CD47: variants seen among roughly 807,000 people sequenced by gnomAD.
CD47 encodes the protein leukocyte surface antigen CD47.
CD47 carries 11 observed loss-of-function variants against 44.6 expected under a neutral mutation model. The ratio of observed to expected loss-of-function variants is 0.25; its 90% CI spans 0.16 to 0.41. The LOEUF (loss-of-function observed/expected upper bound fraction) is 0.41. Ranked by LOEUF, CD47 falls within the 10% of genes least tolerant of loss-of-function variation. The pLI is 1.00. For missense variants in CD47, 306 were observed against 386.7 expected (o/e 0.79, Z 1.75); for synonymous variants, 140 against 136.3 (o/e 1.03, Z -0.19).
chr3:108,066,407 T>C (rs1481913758), intron 3 of CD47, among the ~76,000 whole-genome samples: 1 of 152,238 alleles, frequency 6.6e-6, no homozygotes, highest in African/African-American at 2.4e-5. Flanking sequence ...CCACAATATA[T>C]TAACTGAGTA....
Position 108,059,495 on chromosome 3 carries a change from A to G in CD47, c.648T>C (p.Ser216=). The change falls in exon 5 of 11, where the codon TCT becomes TCC. Residue 216 remains serine (S), a synonymous_variant. Transcript: ENST00000361309. The stretch of plus-strand genomic sequence containing the variant: ...AGTGAAGTAATATTAATATCCCTGT[A>G]GAAGTCACAATTAAACCAAGGCCAG... The part of the protein sequence containing the change: ...NATGLGLIVT[S]TGILILLHYY... 2.0e-6 allele frequency: 3 copies of G among 1,530,408 alleles called. No homozygotes were observed. The highest frequency in any genetic ancestry group is 2.7e-6 in the Non-Finnish European group (3 of 1,131,828). The allele number at this position is 1,530,408 out of a possible 1,614,324, so 94.8% of individuals were successfully genotyped here. A position where few individuals can be genotyped will look rare whatever the true frequency, so the allele number is the denominator to read the frequency against.
At chr3:108,073,266 T>A (rs1396268015) in intron 2 of CD47, among the ~76,000 whole-genome samples, 1 of 151,362 alleles carries the variant, frequency 6.6e-6, no homozygotes, top group African/African-American at 2.4e-5. Flanking sequence ...ATTAATAGAA[T>A]ATTAATATAT....
intron 10 of CD47, among the ~76,000 whole-genome samples, chr3:108,049,174 G>T (rs1232731922): frequency 1.4e-5 from 2 of 145,774 alleles, no homozygotes; most frequent in Non-Finnish European, 3.0e-5. Context: ...CTCCCAAAAG[G>T]TTAGAACCAA....
chr3:108,085,411 C>T (rs1280053719), intron 1 of CD47, among the ~76,000 whole-genome samples: 1 of 152,048 alleles, frequency 6.6e-6, no homozygotes, highest in African/African-American at 2.4e-5. Context: ...TGGTATATAC[C>T]TCATAGAGAT....
chr3:108,058,234 A>T, intron 6 of CD47, 103 bp downstream of exon 6: 1 of 637,038 alleles, frequency 1.6e-6, no homozygotes, highest in Non-Finnish European at 2.5e-6. Context: ...AAAAAAAAAA[A>T]TCAAGTCTAT....
chr3:108,056,320 C>T (rs697951), intron 7 of CD47, among the ~76,000 whole-genome samples: 74,942 of 152,010 alleles, frequency 0.49, 18,956 homozygotes, highest in East Asian at 0.7. Context: ...TAAGGATACG[C>T]AGATTTTAGT....
chr3:108,065,417 C>A (rs1343235256), intron 3 of CD47, among the ~76,000 whole-genome samples: 2 of 152,062 alleles, frequency 1.3e-5, no homozygotes, highest in Non-Finnish European at 2.9e-5. Flanking sequence ...ATTCCTCCTA[C>A]AATAAAATCA....
intron 2 of CD47, among the ~76,000 whole-genome samples, chr3:108,077,545 C>T (rs1417984326): frequency 6.6e-6 from 1 of 152,070 alleles, no homozygotes; most frequent in East Asian, 1.9e-4. Context: ...TACTTCTGAG[C>T]ATTTATCCCA....
chr3:108,078,074 C>G (rs1256830745), intron 2 of CD47, among the ~76,000 whole-genome samples: 1 of 152,012 alleles, frequency 6.6e-6, no homozygotes, highest in Non-Finnish European at 1.5e-5. Context: ...CATATTGTGT[C>G]ACATAAGAGG....
intron 2 of CD47, among the ~76,000 whole-genome samples, chr3:108,071,759 A>T (rs537925714): frequency 1.5e-3 from 228 of 152,320 alleles, no homozygotes; most frequent in African/African-American, 5.3e-3. Flanking sequence ...TGTACCTTCA[A>T]GTAACAATGA....
chr3:108,077,953 A>T (rs1325594143), intron 2 of CD47, among the ~76,000 whole-genome samples: 1 of 152,086 alleles, frequency 6.6e-6, no homozygotes, highest in Non-Finnish European at 1.5e-5. Context: ...GATGTTTGTT[A>T]TGATGGATAG....
At chr3:108,061,049 T>A (rs985002870) in intron 3 of CD47, among the ~76,000 whole-genome samples, 197 bp from the exon 4 acceptor site, 4 of 151,680 alleles carry the variant, frequency 2.6e-5, no homozygotes, top group Non-Finnish European at 5.9e-5. Flanking sequence ...TAAATATGGA[T>A]GGTGAATTTA....
rs9825399 is a variant in CD47 at position 108,050,365 on chromosome 3, C to G, written c.934+213G>C. Among the ~76,000 whole-genome samples the G allele has an allele frequency of 7.4e-3, 1,121 of 152,272 alleles. 13 individuals are homozygous for G. The highest frequency in any genetic ancestry group is 0.026 in the African/African-American group (1,084 of 41,542). On this transcript the variant is annotated intron_variant, in intron 9 of 10. Transcript: ENST00000361309. ...TCTCTTGACCTCGTGATCTGCCCGC[C>G]TTGGCCTCCCAAGGTGCCGGGATCG...
At position 108,049,651 on chromosome 3, in the gene CD47, G is replaced by A; in HGVS notation, c.935C>T (p.Ala312Val). ...PRKAVEEPLN[A>V]FKESKGMMND... ...CATCATTCCTTTTGATTCTTTGAAT[G>A]CTAGGATTAGTAACAAGCCAAGCAG... Residue 312 changes from alanine (A) to valine (V), a missense_variant and splice_region_variant, in exon 10 of 11, where the codon GCA (alanine) becomes GTA (valine). Transcript: ENST00000361309. 2 of 1,600,592 alleles carry A rather than the reference G, an allele frequency of 1.2e-6. No homozygotes were observed. The highest frequency in any genetic ancestry group is 1.7e-6 in the Non-Finnish European group (2 of 1,167,842).
intron 1 of CD47, 123 bp downstream of exon 1, chr3:108,090,740 C>T (rs1365897772): frequency 1.2e-6 from 1 of 843,276 alleles, no homozygotes; most frequent in Non-Finnish European, 1.6e-6. Context: ...GCGCTCAGGG[C>T]CCGAGTGTTC....
chr3:108,090,996 C>T lies in CD47; in HGVS notation c.-88G>A. ...CCGTTACAGGCAGGACCGACCGCCG[C>T]CGCGCGTCACAGGCAGGACCCACTG... On this transcript the variant is annotated 5_prime_UTR_variant, in exon 1 of 11. Transcript: ENST00000361309. The T allele has an allele frequency of 2.1e-6, 2 of 947,424 alleles. No homozygotes were observed. Among genetic ancestry groups the T allele is most frequent in the South Asian group, 2.3e-5 (1 of 44,320 alleles). The allele number at this position is 947,424 out of a possible 1,614,324, so 58.7% of individuals were successfully genotyped here.
chr3:108,081,612 A>C (rs1424628320), intron 1 of CD47, among the ~76,000 whole-genome samples: 2 of 151,936 alleles, frequency 1.3e-5, no homozygotes, highest in Non-Finnish European at 2.9e-5. Context: ...GCCCCTTTTT[A>C]ATATGCTGCC....
At chr3:108,059,428 C>A in intron 5 of CD47, 24 bp downstream of exon 5, 1 of 1,151,986 alleles carries the variant, frequency 8.7e-7, no homozygotes, top group Non-Finnish European at 1.2e-6. Flanking sequence ...TAGACAAAAT[C>A]ATACTGTAAC....
chr3:108,079,232 T>A (rs1021803846), intron 2 of CD47, among the ~76,000 whole-genome samples: 2 of 151,946 alleles, frequency 1.3e-5, no homozygotes, highest in African/African-American at 4.8e-5. Flanking sequence ...CATACTCATA[T>A]GGGGTTGAAG....
Sources: allele counts gnomAD v4.1 joint callset (sites outside exome capture counted in the v4.1 genomes callset), GRCh38; gene constraint gnomAD v4.1.1; transcripts MANE v1.5; gene names NCBI Gene and HGNC (gene_info 2026-07-23, HGNC 2026-07-21).